The following STXBP6 variants were observed in gnomAD, a reference collection of about 807,000 sequenced individuals.
The protein encoded by STXBP6 is syntaxin binding protein 6, also known as syntaxin-binding protein 6.
STXBP6 carries 21 observed loss-of-function variants against 26.9 expected under a neutral mutation model. That is an observed-to-expected ratio of 0.78 (90% confidence interval 0.55 to 1.12). The LOEUF (loss-of-function observed/expected upper bound fraction) is 1.12. STXBP6 is among the 50% of genes most tolerant of loss of function. STXBP6 has a pLI of 0.00. For missense variants in STXBP6, 232 were observed against 257.9 expected (o/e 0.90, Z 0.69); for synonymous variants, 97 against 92.6 (o/e 1.05, Z -0.27).
intron 1 of STXBP6, among the ~76,000 whole-genome samples, chr14:24,997,203 T>C (rs1399693173): frequency 6.6e-6 from 1 of 152,102 alleles, no homozygotes; most frequent in Non-Finnish European, 1.5e-5. Flanking sequence ...GCCCTCACCA[T>C]TTCCCCAACA....
chr14:24,845,395 A>G (rs1436496902), intron 4 of STXBP6, among the ~76,000 whole-genome samples: 1 of 152,182 alleles, frequency 6.6e-6, no homozygotes, highest in Non-Finnish European at 1.5e-5. Flanking sequence ...CCTTAAGTAA[A>G]GAGAAAGAGC....
chr14:25,025,261 TG>T (rs2075329773), intron 1 of STXBP6, among the ~76,000 whole-genome samples: 1 of 152,086 alleles, frequency 6.6e-6, no homozygotes, highest in Admixed American at 6.6e-5. Context: ...GGATAATAAG[TG>T]CACATAATGA....
At chr14:24,912,441 C>CA (rs373713561) in intron 2 of STXBP6, among the ~76,000 whole-genome samples, 10,930 of 100,906 alleles carry the variant, frequency 0.11, 536 homozygotes, top group East Asian at 0.2. Flanking sequence ...AAGTGAATGC[C>CA]AAAAAAAAAA....
At chr14:25,040,584 A>T (rs1043826242) in intron 1 of STXBP6, among the ~76,000 whole-genome samples, 4 of 152,252 alleles carry the variant, frequency 2.6e-5, no homozygotes. Flanking sequence ...TATAGGTAGT[A>T]TTAAATAAAA....
At chr14:24,964,973 C>T (rs1409806105) in intron 2 of STXBP6, among the ~76,000 whole-genome samples, 1 of 152,188 alleles carries the variant, frequency 6.6e-6, no homozygotes, top group East Asian at 1.9e-4. Flanking sequence ...ACACAAAGGG[C>T]TTCTGCACCC....
At chr14:25,036,035 T>C (rs1007749138) in intron 1 of STXBP6, among the ~76,000 whole-genome samples, 1 of 151,776 alleles carries the variant, frequency 6.6e-6, no homozygotes, top group African/African-American at 2.4e-5. Flanking sequence ...CCAGACAACA[T>C]GGTGAAACCC....
chr14:24,920,997 C>A (rs2071957855), intron 2 of STXBP6, among the ~76,000 whole-genome samples: 1 of 152,064 alleles, frequency 6.6e-6, no homozygotes, highest in Admixed American at 6.6e-5. Context: ...AGACACAAGG[C>A]ACCAGAGACA....
chr14:24,898,159 G>A (rs12894268), intron 2 of STXBP6, among the ~76,000 whole-genome samples: 51,323 of 152,026 alleles, frequency 0.34, 8,777 homozygotes, highest in African/African-American at 0.41. Context: ...AGAGACCTCA[G>A]CTCGGAAGCT....
chr14:25,020,458 A>C (rs78993357), intron 1 of STXBP6, among the ~76,000 whole-genome samples: 20,690 of 152,134 alleles, frequency 0.14, 1,636 homozygotes, highest in African/African-American at 0.21. Flanking sequence ...AACCAATCCA[A>C]TTAAATCATT....
intron 1 of STXBP6, among the ~76,000 whole-genome samples, chr14:25,005,304 A>G (rs766922923): frequency 4.6e-5 from 7 of 152,328 alleles, no homozygotes; most frequent in Non-Finnish European, 8.8e-5. Context: ...TGGGTATAAC[A>G]ATTATGAGCA....
intron 2 of STXBP6, among the ~76,000 whole-genome samples, chr14:24,966,389 GAA>G (rs5807270): frequency 1.5e-3 from 211 of 142,346 alleles, no homozygotes; most frequent in Middle Eastern, 3.6e-3. Context: ...CCCTGTCTTG[GAA>G]AAAAAAAAAA....
chr14:24,944,756 T>C (rs1355181142), intron 2 of STXBP6, among the ~76,000 whole-genome samples: 1 of 152,124 alleles, frequency 6.6e-6, no homozygotes, highest in Non-Finnish European at 1.5e-5. Context: ...TGGACCATCT[T>C]CTTCACCTGT....
At chr14:25,045,409 G>A (rs568993987) in intron 1 of STXBP6, among the ~76,000 whole-genome samples, 3 of 151,888 alleles carry the variant, frequency 2.0e-5, no homozygotes, top group African/African-American at 4.8e-5. Flanking sequence ...ACATATTCTC[G>A]GAACTGCTGA....
Position 24,950,984 on chromosome 14 carries a change from T to C in STXBP6, c.154+23681A>G, listed in dbSNP as rs941751433. On this transcript the variant is annotated intron_variant, in intron 2 of 5. Transcript: ENST00000323944. ...CAACTCCCATTTATGAGTGAGAGCATGCGGTTTTGGTTTTCTGTTCTTGTG... is the reference window on the plus strand; with the variant it reads ...CAACTCCCATTTATGAGTGAGAGCACGCGGTTTTGGTTTTCTGTTCTTGTG... Among the ~76,000 whole-genome samples the C allele has an allele frequency of 7.2e-5, 11 of 152,064 alleles. No individual in the cohort carries two copies. The South Asian group carries it at 8.3e-4, about 11-fold the overall frequency.
Position 25,049,861 on chromosome 14 carries a change from C to A in STXBP6, c.-33+17G>T, listed in dbSNP as rs1463798950. 1 of 985,550 alleles carries A rather than the reference C, an allele frequency of 1.0e-6. No homozygotes were observed. Among genetic ancestry groups the A allele is most frequent in the African/African-American group, 1.7e-5 (1 of 57,362 alleles). The allele number at this position is 985,550 out of a possible 1,614,324, so 61.1% of individuals were successfully genotyped here. A position where few individuals can be genotyped will look rare whatever the true frequency, so the allele number is the denominator to read the frequency against. ...GCCTCCGCCCTGACCGCCTGGCTCC[C>A]CTCGCCCCGGTCCTACCGTGCAGCC... On this transcript the variant is annotated intron_variant, in intron 1 of 5. Transcript: ENST00000323944. This position sits in a 1 kb window ranked among gnomAD's most constrained non-coding sequence, Gnocchi z 5.6.
chr14:24,836,372 G>A (rs1203861482), intron 4 of STXBP6, among the ~76,000 whole-genome samples: 3 of 151,948 alleles, frequency 2.0e-5, no homozygotes, highest in South Asian at 4.1e-4. Context: ...CGAGGCGAGC[G>A]GACCACCTGA....
chr14:24,832,075 A>G (rs1165828789), intron 4 of STXBP6, among the ~76,000 whole-genome samples: 1 of 152,198 alleles, frequency 6.6e-6, no homozygotes, highest in African/African-American at 2.4e-5. Flanking sequence ...TAATTTCCTT[A>G]AAACCATCTG....
chr14:24,981,076 T>C (rs543732107), intron 1 of STXBP6, among the ~76,000 whole-genome samples: 152 of 152,226 alleles, frequency 1.0e-3, no homozygotes, highest in African/African-American at 2.9e-3. Context: ...ATAAAACAAA[T>C]AAAAAGACCC....
At chr14:24,967,968 G>T (rs958160543) in intron 2 of STXBP6, among the ~76,000 whole-genome samples, 1 of 152,070 alleles carries the variant, frequency 6.6e-6, no homozygotes, top group Non-Finnish European at 1.5e-5. Context: ...TTCCAAAATG[G>T]TGACCCCGGC....
Sources: gnomAD v4.1 joint callset for allele counts (sites outside exome capture counted in the v4.1 genomes callset) on GRCh38, gnomAD v4.1.1 for gene constraint, Gnocchi (gnomAD v3.1) non-coding constraint, MANE v1.5 for transcripts, NCBI Gene and HGNC (gene_info 2026-07-23, HGNC 2026-07-21) for gene names.